AFM: variants seen among roughly 807,000 people sequenced by gnomAD.
The protein encoded by AFM is alpha-Alb.
AFM carries 82 observed loss-of-function variants against 68.7 expected under a neutral mutation model. The observed-to-expected ratio is 1.19, with a 90% confidence interval of 1.00 to 1.43. The LOEUF is 1.43. AFM is among the 40% of genes most tolerant of loss of function. AFM has a pLI of 0.00. For missense variants in AFM, 772 were observed against 701.8 expected (o/e 1.10, Z -1.13); for synonymous variants, 250 against 234.2 (o/e 1.07, Z -0.61).
At position 73,487,725 on chromosome 4, in the gene AFM, C is replaced by A. The variant is rs1456772679; in HGVS notation, c.617C>A (p.Ala206Glu). 1 of 1,600,634 alleles carries A rather than the reference C, an allele frequency of 6.2e-7. No homozygotes were observed. ...QNKVNCLQTR[A>E]IPVTQYLKAF... The stretch of plus-strand genomic sequence containing the variant: ...AAGAATTTTCTCTTTCTTCTTCAGG[C>A]AATACCTGTCACACAATATTTAAAA... Residue 206 changes from alanine to glutamate, a missense_variant and splice_region_variant, in exon 6 of 15, where the codon GCA becomes GAA. Physicochemically the swap from Ala to Glu is moderately radical, Grantham distance 107. Transcript: ENST00000226355.
At chr4:73,491,763 G>T in intron 7 of AFM, 109 bp from the exon 8 acceptor site, 1 of 910,168 alleles carries the variant, frequency 1.1e-6, no homozygotes, top group Non-Finnish European at 1.7e-6. Flanking sequence ...ATTAATTGAT[G>T]AAGTGATTCC....
intron 11 of AFM, 30 bp from the exon 12 acceptor site, chr4:73,499,974 G>C: frequency 6.4e-7 from 1 of 1,562,354 alleles, no homozygotes. Flanking sequence ...TTTTAAGATC[G>C]TATCTCAGTT....
At chr4:73,491,195 T>G (rs1311118570) in intron 7 of AFM, among the ~76,000 whole-genome samples, 1 of 152,208 alleles carries the variant, frequency 6.6e-6, no homozygotes, top group African/African-American at 2.4e-5. Context: ...CTCTCTCTAA[T>G]TCCCAACTCT....
chr4:73,490,574 C>A (rs1721044999), intron 7 of AFM, among the ~76,000 whole-genome samples: 1 of 152,082 alleles, frequency 6.6e-6, no homozygotes, highest in Admixed American at 6.5e-5. Context: ...TGTCTGCCAC[C>A]ACACCCCGCT....
intron 7 of AFM, among the ~76,000 whole-genome samples, chr4:73,491,268 A>G (rs1047605268): frequency 6.6e-6 from 1 of 152,202 alleles, no homozygotes; most frequent in Admixed American, 6.5e-5. Context: ...TGTCCATTTG[A>G]GCAGTATTTG....
Position 73,488,763 on chromosome 4 carries a change from A to G in AFM, c.843+4A>G. ...TGTGCAGTGCATCCGTGACACGGTGAATATTCTCTAAAACCAAGTTAAAAT... is the reference window on the plus strand; with the variant it reads ...TGTGCAGTGCATCCGTGACACGGTGGATATTCTCTAAAACCAAGTTAAAAT... On this transcript the variant is annotated splice_donor_region_variant and intron_variant, in intron 7 of 14. Transcript: ENST00000226355. 1 of 1,603,296 alleles carries G rather than the reference A, an allele frequency of 6.2e-7. No individual in the cohort carries two copies. The highest frequency in any genetic ancestry group is 2.3e-5 in the East Asian group (1 of 44,404).
In AFM at chr4:73,484,299, T is replaced by C. The variant is rs773870181; in HGVS notation, c.179T>C (p.Phe60Ser). ...AFAQYVQEAT[F>S]EEMEKLVKDM... ...GCTCAGTATGTTCAGGAAGCAACCT[T>C]TGAAGAAATGGAAAAGCTGGTGAAA... The change falls in exon 3 of 15, where the codon TTT (phenylalanine) becomes TCT (serine). Residue 60 changes from phenylalanine (F) to serine (S), a missense_variant. Phe to Ser is a radical substitution (Grantham distance 155, BLOSUM62 -2). Transcript: ENST00000226355. The C allele has an allele frequency of 6.2e-7, 1 of 1,613,282 alleles. No individual in the cohort carries two copies. The highest frequency in any genetic ancestry group is 1.3e-5 in the African/African-American group (1 of 74,878).
chr4:73,492,067 C>T lies in AFM; in HGVS notation c.1039C>T (p.Pro347Ser). 2 of 1,609,048 alleles carry T rather than the reference C, an allele frequency of 1.2e-6. No homozygotes were observed. The highest frequency in any genetic ancestry group is 1.7e-6 in the Non-Finnish European group (2 of 1,178,812). The change falls in exon 8 of 15, where the codon CCA (proline) becomes TCA (serine). Residue 347 changes from proline to serine, a missense_variant. By Grantham distance (74) the Pro-to-Ser change is moderately conservative (BLOSUM62 -1). Coordinates refer to ENST00000226355, the MANE Select transcript of AFM (RefSeq NM_001133.2). Reference protein sequence around the residue: ...ENVCQERDADPDTFFAKFTFE... With the variant: ...ENVCQERDADSDTFFAKFTFE... ...TGTGTGTCAAGAACGAGATGCTGACCCAGACACCTTCTTTGCGAAGTAATA... is the reference window on the plus strand; with the variant it reads ...TGTGTGTCAAGAACGAGATGCTGACTCAGACACCTTCTTTGCGAAGTAATA...
At position 73,501,873 on chromosome 4, in the gene AFM, A is replaced by C; in HGVS notation, c.1733A>C (p.Asp578Ala). The C allele has an allele frequency of 1.3e-5, 21 of 1,613,596 alleles. No individual in the cohort carries two copies. Among genetic ancestry groups the C allele is most frequent in the Non-Finnish European group, 1.8e-5 (21 of 1,179,678 alleles). Reference protein sequence around the residue: ...SLFTNFANVVDKCCKAESPEV... With the variant: ...SLFTNFANVVAKCCKAESPEV... Reference sequence around the variant, plus strand: ...TTTACAAATTTCGCAAATGTAGTGGATAAGTGCTGCAAAGCAGAGAGTCCT... The same window carrying C: ...TTTACAAATTTCGCAAATGTAGTGGCTAAGTGCTGCAAAGCAGAGAGTCCT... The change falls in exon 13 of 15, where the codon GAT (aspartate) becomes GCT (alanine). Residue 578 changes from aspartate (D) to alanine (A), a missense_variant. Physicochemically the swap from Asp to Ala is moderately radical, Grantham distance 126 (BLOSUM62 -2). Coordinates refer to ENST00000226355, the MANE Select transcript of AFM (RefSeq NM_001133.2).
At chr4:73,501,988 G>A in intron 13 of AFM, 69 bp downstream of exon 13, 3 of 1,539,066 alleles carry the variant, frequency 1.9e-6, no homozygotes, top group South Asian at 1.2e-5. Flanking sequence ...ACAGAACCCT[G>A]CAGGACACTG....
chr4:73,482,604 G>T (rs144108782), intron 1 of AFM, among the ~76,000 whole-genome samples: 1 of 151,986 alleles, frequency 6.6e-6, no homozygotes, highest in African/African-American at 2.4e-5. Flanking sequence ...CTTTTCCCTC[G>T]TAACAACCTG....
intron 3 of AFM, among the ~76,000 whole-genome samples, chr4:73,485,583 G>C (rs1008789576): frequency 7.4e-6 from 1 of 135,388 alleles, no homozygotes; most frequent in Non-Finnish European, 1.6e-5. Context: ...GAAAGAGAAG[G>C]AGAAGGAGAA....
At chr4:73,501,723 T>C in intron 12 of AFM, 64 bp from the exon 13 acceptor site, 1 of 1,525,410 alleles carries the variant, frequency 6.6e-7, no homozygotes, top group South Asian at 1.2e-5. Flanking sequence ...AACAAGCATT[T>C]TGGAGTAGAG....
At chr4:73,488,781 G>C (rs1720987396) in intron 7 of AFM, 22 bp downstream of exon 7, 1 of 1,582,184 alleles carries the variant, frequency 6.3e-7, no homozygotes, top group African/African-American at 1.4e-5. Context: ...CTAAAACCAA[G>C]TTAAAATAGT....
intron 7 of AFM, 126 bp from the exon 8 acceptor site, chr4:73,491,746 C>T (rs778324096): frequency 6.4e-5 from 53 of 828,618 alleles, no homozygotes; most frequent in Non-Finnish European, 9.8e-5. Flanking sequence ...CAAATATTAT[C>T]TAGCAAATTA....
In AFM at chr4:73,485,969, C is replaced by T. The variant is rs1276372480; in HGVS notation, c.378C>T (p.Phe126=). 1.2e-6 allele frequency: 2 copies of T among 1,614,008 alleles called. No homozygotes were observed. Among genetic ancestry groups the T allele is most frequent in the African/African-American group, 2.7e-5 (2 of 75,026 alleles). Residue 126 remains phenylalanine, a synonymous_variant, in exon 4 of 15, where the codon TTC becomes TTT. Transcript: ENST00000226355. ...ATGCTCAAAGAAGACTCTGTTTCTT[C>T]TATAACAAGAAATCTGATGTGGGAT... is the stretch of plus-strand genomic sequence containing the variant. The part of the protein sequence containing the change: ...KVDAQRRLCF[F]YNKKSDVGFL...
chr4:73,486,023 C>A lies in AFM; in HGVS notation c.432C>A (p.Pro144=). ...GFLPPFPTLD[P]EEKCQAYESN... ...TGCCTCCTTTCCCTACCCTGGATCC[C>A]GAAGAGAAATGCCAGGCTTATGAAA... is the stretch of plus-strand genomic sequence containing the variant. The change falls in exon 4 of 15, where the codon CCC becomes CCA. Residue 144 remains proline, a synonymous_variant. Transcript: ENST00000226355. 6.2e-7 allele frequency: 1 copy of A among 1,613,828 alleles called. No individual in the cohort carries two copies.
intron 3 of AFM, 81 bp downstream of exon 3, chr4:73,484,471 TTTCTTTC>T (rs1720819239): frequency 1.8e-6 from 1 of 566,292 alleles, no homozygotes; most frequent in Non-Finnish European, 2.9e-6. Flanking sequence ...TCTTTCTTTC[TTTCTTTC>T]TTTCTTTCTT....
intron 3 of AFM, 88 bp downstream of exon 3, chr4:73,484,478 CTTTCT>C (rs1342596123): frequency 1.6e-6 from 1 of 624,536 alleles, no homozygotes; most frequent in Non-Finnish European, 2.5e-6. Context: ...TTCTTTCTTT[CTTTCT>C]TTCTTTCTTT....
Sources: allele counts gnomAD v4.1 joint callset (sites outside exome capture counted in the v4.1 genomes callset), GRCh38; gene constraint gnomAD v4.1.1; transcripts MANE v1.5; gene names NCBI Gene and HGNC (gene_info 2026-07-23, HGNC 2026-07-21).